DACH1: variants seen among roughly 807,000 people sequenced by gnomAD.
DACH1 encodes the protein dachshund homolog 1.
Under a neutral mutation model 54.2 loss-of-function variants are expected in DACH1, and 12 were observed. The ratio of observed to expected loss-of-function variants is 0.22; its 90% CI spans 0.14 to 0.36. DACH1 has a LOEUF of 0.36. Ranked by LOEUF, DACH1 falls within the 10% of genes least tolerant of loss-of-function variation. DACH1 has a pLI of 1.00. For missense variants in DACH1, 805 were observed against 929.8 expected, an observed-to-expected ratio of 0.87 and a Z score of 1.75; for synonymous variants, 386 against 366.2, an observed-to-expected ratio of 1.05 and a Z score of -0.62.
intron 2 of DACH1, among the ~76,000 whole-genome samples, chr13:71,668,040 T>C (rs371229885): frequency 6.6e-6 from 1 of 152,198 alleles, no homozygotes; most frequent in African/African-American, 2.4e-5. Context: ...AGGGATACAT[T>C]TGAAAAACTT....
chr13:71,832,340 A>G (rs899339993), intron 1 of DACH1, among the ~76,000 whole-genome samples: 3 of 151,978 alleles, frequency 2.0e-5, no homozygotes, highest in African/African-American at 4.8e-5. Flanking sequence ...TCTCCCCAAT[A>G]GCAAAATAAT....
intron 1 of DACH1, among the ~76,000 whole-genome samples, chr13:71,708,852 G>GTTTTTTTTTT (rs11322352): frequency 1.7e-5 from 2 of 120,394 alleles, no homozygotes; most frequent in Non-Finnish European, 3.2e-5. Flanking sequence ...GTTTTTTGTT[G>GTTTTTTTTTT]TTTTTTTTTT....
intron 1 of DACH1, among the ~76,000 whole-genome samples, chr13:71,779,238 C>CAT (rs1320596431): frequency 9.8e-5 from 7 of 71,456 alleles, no homozygotes; most frequent in Admixed American, 4.6e-4. Flanking sequence ...TATATATACA[C>CAT]ATATATACGT....
intron 10 of DACH1, among the ~76,000 whole-genome samples, chr13:71,465,279 C>T (rs942651782): frequency 2.0e-5 from 3 of 151,990 alleles, no homozygotes; most frequent in African/African-American, 7.2e-5. Flanking sequence ...TTTGCTCATA[C>T]AAATCTGTAT....
intron 1 of DACH1, among the ~76,000 whole-genome samples, chr13:71,811,193 T>C (rs1228615223): frequency 6.6e-6 from 1 of 152,148 alleles, no homozygotes; most frequent in Non-Finnish European, 1.5e-5. Context: ...GATTATAGAT[T>C]CCTTTGATAT....
chr13:71,612,464 T>A (rs1405531831), intron 3 of DACH1, among the ~76,000 whole-genome samples: 1 of 152,114 alleles, frequency 6.6e-6, no homozygotes, highest in Admixed American at 6.6e-5. Flanking sequence ...AGATTTCTAA[T>A]TTAATGTTCT....
rs1402243045 is a variant in DACH1 at position 71,607,881 on chromosome 13, T to C, written c.1126+22675A>G. On this transcript the variant is annotated intron_variant, in intron 3 of 10. Transcript: ENST00000613252. ...ATAAAAAATAAAAGTTTTTAAACAA[T>C]GAGAAATTTTGAAAGTTACTGCATT... 3.9e-5 allele frequency among the ~76,000 whole-genome samples: 6 copies of C among 151,970 alleles called. No homozygotes were observed. The East Asian group carries it at 9.6e-4, about 24-fold the overall frequency.
intron 1 of DACH1, among the ~76,000 whole-genome samples, chr13:71,841,680 C>T (rs961129558): frequency 1.3e-5 from 2 of 152,144 alleles, no homozygotes; most frequent in Non-Finnish European, 2.9e-5. Flanking sequence ...AATATTACTA[C>T]CAAGGAGGAC....
intron 1 of DACH1, among the ~76,000 whole-genome samples, chr13:71,826,708 T>C (rs1449779995): frequency 6.6e-6 from 1 of 152,130 alleles, no homozygotes; most frequent in Non-Finnish European, 1.5e-5. Context: ...GGGCATTTAA[T>C]ATATTTTATT....
intron 1 of DACH1, among the ~76,000 whole-genome samples, chr13:71,712,332 G>T (rs139436382): frequency 7.3e-5 from 11 of 151,696 alleles, no homozygotes; most frequent in African/African-American, 2.7e-4. Context: ...AAATTAAATT[G>T]AAATATCAGG....
chr13:71,761,159 A>G (rs532345538), intron 1 of DACH1, among the ~76,000 whole-genome samples: 9 of 152,238 alleles, frequency 5.9e-5, no homozygotes, highest in Admixed American at 1.3e-4. Context: ...ATGTTGAATT[A>G]CCTCTATGCT....
intron 1 of DACH1, among the ~76,000 whole-genome samples, chr13:71,728,664 G>A (rs532173854): frequency 6.6e-6 from 1 of 152,050 alleles, no homozygotes; most frequent in South Asian, 2.1e-4. Context: ...CAACAGATAA[G>A]CTCATGCTTT....
chr13:71,717,930 A>G (rs1421180734), intron 1 of DACH1, among the ~76,000 whole-genome samples: 2 of 152,082 alleles, frequency 1.3e-5, no homozygotes, highest in African/African-American at 2.4e-5. Context: ...AGTAATATTA[A>G]TAAGTGTTAA....
rs73521239 is a variant in DACH1 at position 71,526,824 on chromosome 13, C to T, written c.1570+30200G>A. ...GGTGGTCTGCACTAGTATTACAAAG[C>T]TATTTGCTGAATTATTGTTAGACAT... On this transcript the variant is annotated intron_variant, in intron 6 of 10. Coordinates refer to ENST00000613252, the MANE Select transcript of DACH1 (RefSeq NM_080759.6). Among the ~76,000 whole-genome samples the T allele has an allele frequency of 7.0e-3, 1,055 of 151,624 alleles. 12 individuals carry two copies. Among genetic ancestry groups the T allele is most frequent in the African/African-American group, 0.024 (995 of 41,450 alleles).
At chr13:71,512,116 A>G (rs1268118770) in intron 6 of DACH1, among the ~76,000 whole-genome samples, 1 of 151,874 alleles carries the variant, frequency 6.6e-6, no homozygotes, top group African/African-American at 2.4e-5. Context: ...TCAACCCAGA[A>G]CCCAACTTTC....
At chr13:71,808,773 T>C (rs1006059959) in intron 1 of DACH1, among the ~76,000 whole-genome samples, 31 of 152,212 alleles carry the variant, frequency 2.0e-4, no homozygotes, top group African/African-American at 7.5e-4. Context: ...TGACCTTCTC[T>C]GAATCAGGAA....
intron 6 of DACH1, among the ~76,000 whole-genome samples, chr13:71,549,036 T>C (rs1289986851): frequency 6.6e-6 from 1 of 152,060 alleles, no homozygotes; most frequent in East Asian, 1.9e-4. Context: ...CATACTAGAC[T>C]ATGCAAACTA....
intron 2 of DACH1, among the ~76,000 whole-genome samples, chr13:71,651,996 C>A (rs1566407255): frequency 6.6e-6 from 1 of 152,106 alleles, no homozygotes; most frequent in Non-Finnish European, 1.5e-5. Context: ...AATTAATGAA[C>A]CCTTCATGAG....
At chr13:71,692,932 C>A (rs185675660) in intron 1 of DACH1, among the ~76,000 whole-genome samples, 3 of 152,058 alleles carry the variant, frequency 2.0e-5, no homozygotes, top group African/African-American at 7.2e-5. Flanking sequence ...TGAATCTAAT[C>A]AAAAATGAAT....
Sources: gnomAD v4.1 joint callset for allele counts (sites outside exome capture counted in the v4.1 genomes callset) on GRCh38, gnomAD v4.1.1 for gene constraint, MANE v1.5 for transcripts, NCBI Gene and HGNC (gene_info 2026-07-23, HGNC 2026-07-21) for gene names.